The following STRAP variants were observed in gnomAD, a reference collection of about 807,000 sequenced individuals.
STRAP encodes serine/threonine kinase receptor associated protein.
In STRAP, 16 loss-of-function variants were observed where a neutral mutation model predicts 47.0. That is an observed-to-expected ratio of 0.34 (90% CI 0.23 to 0.52). STRAP has a LOEUF of 0.52. STRAP is among the 20% of genes least tolerant of loss of function. STRAP has a pLI of 0.96. For synonymous variants in STRAP, 130 were observed against 142.7 expected (o/e 0.91, Z 0.63); for missense variants, 293 against 420.0 (o/e 0.70, Z 2.64).
At chr12:15,884,512 T>G (rs1464371631) in intron 2 of STRAP, among the ~76,000 whole-genome samples, 4 of 151,624 alleles carry the variant, frequency 2.6e-5, no homozygotes, top group Admixed American at 2.6e-4. Context: ...TAAAACTTTT[T>G]TTTTTTTTTA....
chr12:15,885,912 C>T (rs933402413), intron 2 of STRAP, among the ~76,000 whole-genome samples: 2 of 152,136 alleles, frequency 1.3e-5, no homozygotes, highest in Non-Finnish European at 2.9e-5. Context: ...TGTAAAGTAA[C>T]GATGATAGCT....
intron 4 of STRAP, among the ~76,000 whole-genome samples, chr12:15,893,670 A>G (rs1361316114): frequency 6.8e-6 from 1 of 148,038 alleles, no homozygotes; most frequent in Non-Finnish European, 1.5e-5. Flanking sequence ...TTATACTTAT[A>G]CAATTATACA....
rs1429363579 is a variant in STRAP at position 15,895,413 on chromosome 12, T to C, written c.555T>C (p.Ser185=). The C allele has an allele frequency of 3.7e-6, 6 of 1,604,520 alleles. No homozygotes were observed. Among genetic ancestry groups the C allele is most frequent in the Non-Finnish European group, 5.1e-6 (6 of 1,177,498 alleles). The part of the protein sequence containing the change: ...TEVKSLNFNM[S]VSSMEYIPEG... Reference sequence around the variant, plus strand: ...TGAAATCTCTAAATTTTAATATGTCTGTTAGTAGTATGGAATATATTCCTG... The same window carrying C: ...TGAAATCTCTAAATTTTAATATGTCCGTTAGTAGTATGGAATATATTCCTG... The change falls in exon 6 of 10, where the codon TCT becomes TCC. Residue 185 remains serine, a synonymous_variant. Transcript: ENST00000419869.
chr12:15,889,067 A>G (rs915735137), intron 2 of STRAP, among the ~76,000 whole-genome samples: 27 of 152,126 alleles, frequency 1.8e-4, no homozygotes, highest in African/African-American at 6.0e-4. Flanking sequence ...CCTGTCTGCA[A>G]AGTTTTCTTG....
Position 15,882,480 on chromosome 12 carries a change from T to A in STRAP, c.-228T>A. 4.1e-4 allele frequency: 146 copies of A among 351,822 alleles called. No individual in the cohort carries two copies. The highest frequency in any genetic ancestry group is 7.6e-4 in the Middle Eastern group (1 of 1,310). The allele number at this position is 351,822 out of a possible 1,614,324, so 21.8% of individuals were successfully genotyped here. ...CCCATCCCCTACTTTCCTCCCTCCC[T>A]CCCTTTCCCTCCCTCGTCGACTGTT... On this transcript the variant is annotated 5_prime_UTR_variant, in exon 1 of 10. Coordinates refer to ENST00000419869, the MANE Select transcript of STRAP (RefSeq NM_007178.4).
Position 15,896,975 on chromosome 12 carries a change from A to T in STRAP, c.639-907A>T, listed in dbSNP as rs1212028300. 4.6e-5 allele frequency among the ~76,000 whole-genome samples: 7 copies of T among 152,188 alleles called. No individual in the cohort carries two copies. The highest frequency in any genetic ancestry group is 1.7e-4 in the African/African-American group (7 of 41,448). ...CAAGGAGTTTATACACATACAGTAA[A>T]CTGATAGTAGTAGAATACTATGGCC... On this transcript the variant is annotated intron_variant, in intron 6 of 9. Coordinates refer to ENST00000419869, the MANE Select transcript of STRAP (RefSeq NM_007178.4). This position sits in a 1 kb window ranked among gnomAD's most constrained non-coding sequence, Gnocchi z 4.1.
chr12:15,891,576 G>A (rs898129079), intron 4 of STRAP, among the ~76,000 whole-genome samples: 2 of 152,136 alleles, frequency 1.3e-5, no homozygotes, highest in Non-Finnish European at 1.5e-5. Flanking sequence ...CCTTACAGTT[G>A]CAAATATTTT....
chr12:15,898,176 A>C (rs1055977550), intron 7 of STRAP, 158 bp downstream of exon 7: 50 of 534,710 alleles, frequency 9.4e-5, no homozygotes, highest in Non-Finnish European at 1.3e-4. Context: ...AAAGTAAAGG[A>C]GTTTTAACCA....
At position 15,899,891 on chromosome 12, in the gene STRAP, T is replaced by A; in HGVS notation, c.776-13T>A. 6.2e-7 allele frequency: 1 copy of A among 1,608,924 alleles called. No individual in the cohort carries two copies. Among genetic ancestry groups the A allele is most frequent in the Non-Finnish European group, 8.5e-7 (1 of 1,178,174 alleles). ...AATAGTTAAAATTATCTAATAGCCC[T>A]CTTCTTTTTCAGAATCCTACAAGGG... On this transcript the variant is annotated splice_polypyrimidine_tract_variant and intron_variant, in intron 7 of 9. Coordinates refer to ENST00000419869, the MANE Select transcript of STRAP (RefSeq NM_007178.4).
Position 15,890,057 on chromosome 12 carries a change from A to G in STRAP, c.330+48A>G. On this transcript the variant is annotated intron_variant, in intron 3 of 9. Coordinates refer to ENST00000419869, the MANE Select transcript of STRAP (RefSeq NM_007178.4). This position sits in a 1 kb window ranked among gnomAD's most constrained non-coding sequence, Gnocchi z 4.5. ...TTAGCGAGTTAAGTTGCTGGTACAT[A>G]GTGTGATAATGCTTTTATACTTGAT... 3.3e-6 allele frequency: 5 copies of G among 1,504,314 alleles called. No homozygotes were observed. Among genetic ancestry groups the G allele is most frequent in the Non-Finnish European group, 4.6e-6 (5 of 1,080,416 alleles). 93.2% of individuals were successfully genotyped at this position (1,504,314 alleles called of 1,614,324 possible). A position where few individuals can be genotyped will look rare whatever the true frequency, so the allele number is the denominator to read the frequency against.
intron 2 of STRAP, among the ~76,000 whole-genome samples, chr12:15,885,824 G>T (rs1565573078): frequency 6.6e-6 from 1 of 151,898 alleles, no homozygotes; most frequent in African/African-American, 2.4e-5. Context: ...GGTTGGTTTT[G>T]AATATTAAAT....
At chr12:15,900,139 T>C in intron 8 of STRAP, 86 bp downstream of exon 8, 9 of 1,346,152 alleles carry the variant, frequency 6.7e-6, no homozygotes, top group South Asian at 1.4e-5. Context: ...TCAGGGTTCC[T>C]GTTTTCTATA....
At chr12:15,889,791 A>T in intron 2 of STRAP, 137 bp from the exon 3 acceptor site, 1 of 621,028 alleles carries the variant, frequency 1.6e-6, no homozygotes, top group East Asian at 2.8e-5. Context: ...TATTAGAGAT[A>T]AAGGAGATTT....
At chr12:15,882,904 T>A in intron 1 of STRAP, 85 bp downstream of exon 1, 1 of 1,444,736 alleles carries the variant, frequency 6.9e-7, no homozygotes, top group Non-Finnish European at 9.5e-7. Context: ...GCCGAAGCGG[T>A]GGTGTGGTGA....
chr12:15,884,480 G>T (rs1233432335), intron 2 of STRAP, among the ~76,000 whole-genome samples: 1 of 151,084 alleles, frequency 6.6e-6, no homozygotes, highest in African/African-American at 2.4e-5. Flanking sequence ...CAAATGGTAT[G>T]AGTCCCAGAA....
chr12:15,902,927 T>A lies in STRAP; in HGVS notation c.1002T>A (p.Ala334=). 6.6e-7 allele frequency: 1 copy of A among 1,521,026 alleles called. No individual in the cohort carries two copies. Among genetic ancestry groups the A allele is most frequent in the Non-Finnish European group, 8.7e-7 (1 of 1,145,348 alleles). The allele number at this position is 1,521,026 out of a possible 1,614,324, so 94.2% of individuals were successfully genotyped here. ...TTTTTTTACTTATAGAAGAAATTGC[T>A]TCAGAGAATTCAGATTGCATCTTTC... ...ETTEEELEEI[A]SENSDCIFPS... The change falls in exon 10 of 10, where the codon GCT becomes GCA. Residue 334 remains alanine, a synonymous_variant. Transcript: ENST00000419869.
At position 15,882,549 on chromosome 12, in the gene STRAP, T is replaced by C; in HGVS notation, c.-159T>C. The C allele has an allele frequency of 2.4e-6, 1 of 418,530 alleles. No individual in the cohort carries two copies. Among genetic ancestry groups the C allele is most frequent in the Non-Finnish European group, 4.5e-6 (1 of 222,732 alleles). The allele number at this position is 418,530 out of a possible 1,614,324, so 25.9% of individuals were successfully genotyped here. ...CCCTGACCCCTCCCTCACCCCTCCC[T>C]AACCTCGGTGCCACCGGATTGCCCT... is the stretch of plus-strand genomic sequence containing the variant. On this transcript the variant is annotated 5_prime_UTR_variant, in exon 1 of 10. Transcript: ENST00000419869.
At position 15,891,559 on chromosome 12, in the gene STRAP, T is replaced by G. The variant is rs887332333; in HGVS notation, c.403+890T>G. Reference sequence around the variant, plus strand: ...TTAAATATGAAAAGCAGTATTATGCTAAACATCCTTACAGTTGCAAATATT... The same window carrying G: ...TTAAATATGAAAAGCAGTATTATGCGAAACATCCTTACAGTTGCAAATATT... On this transcript the variant is annotated intron_variant, in intron 4 of 9. Transcript: ENST00000419869. Among the ~76,000 whole-genome samples the G allele has an allele frequency of 2.6e-5, 4 of 152,260 alleles. No homozygotes were observed. The South Asian group carries it at 8.3e-4, about 31-fold the overall frequency.
chr12:15,884,859 A>C (rs779079351), intron 2 of STRAP, among the ~76,000 whole-genome samples: 2 of 152,128 alleles, frequency 1.3e-5, no homozygotes, highest in Admixed American at 1.3e-4. Flanking sequence ...AGTTTGCTTC[A>C]TCCTAGTTCA....
Sources: allele counts gnomAD v4.1 joint callset (sites outside exome capture counted in the v4.1 genomes callset), GRCh38; gene constraint gnomAD v4.1.1; non-coding constraint Gnocchi (gnomAD v3.1); transcripts MANE v1.5; gene names NCBI Gene and HGNC (gene_info 2026-07-23, HGNC 2026-07-21).